Variants in SERPINB12 observed in about 807,000 individuals in gnomAD.
The protein encoded by SERPINB12 is serpin B12.
Under a neutral mutation model 41.1 loss-of-function variants are expected in SERPINB12, and 57 were observed. The observed-to-expected ratio is 1.39, with a 90% confidence interval of 1.12 to 1.73. The LOEUF (loss-of-function observed/expected upper bound fraction) is 1.73, where lower values mean the gene tolerates loss of function less well. Among genes scored for constraint, SERPINB12 ranks in the 40% most tolerant of loss-of-function variants. SERPINB12 has a pLI of 0.00. For synonymous variants in SERPINB12, 180 were observed against 181.3 expected (o/e 0.99, Z 0.06); for missense variants, 536 against 501.9 (o/e 1.07, Z -0.65).
At chr18:63,559,020 T>TTCTTTCTC (rs1910788628) in intron 3 of SERPINB12, among the ~76,000 whole-genome samples, 3 of 62,096 alleles carry the variant, frequency 4.8e-5, no homozygotes, top group African/African-American at 1.4e-4. Context: ...CTTTCTTTCT[T>TTCTTTCTC]TCTTTCTTTC....
At chr18:63,548,634 A>G (rs1233872062) in intron 1 of SERPINB12, among the ~76,000 whole-genome samples, 1 of 152,084 alleles carries the variant, frequency 6.6e-6, no homozygotes, top group Non-Finnish European at 1.5e-5. Flanking sequence ...TAAATGATCA[A>G]GACCTCAATA....
chr18:63,536,802 A>G, the SERPINB12 span, among the ~76,000 whole-genome samples: 3 of 152,148 alleles, frequency 2.0e-5, no homozygotes, highest in Non-Finnish European at 2.9e-5. Context: ...TTTACAAATA[A>G]TAATAGTATT....
the SERPINB12 span, among the ~76,000 whole-genome samples, chr18:63,530,581 G>A: frequency 3.3e-5 from 5 of 152,298 alleles, no homozygotes; most frequent in Middle Eastern, 3.4e-3. Flanking sequence ...TCAGGTGGCT[G>A]TCCCACTGCT....
At chr18:63,547,817 T>A (rs1050386026) in intron 1 of SERPINB12, among the ~76,000 whole-genome samples, 19 of 152,182 alleles carry the variant, frequency 1.2e-4, no homozygotes, top group Non-Finnish European at 2.4e-4. Context: ...GAATCTCTGT[T>A]AATTACAGCT....
intron 1 of SERPINB12, among the ~76,000 whole-genome samples, chr18:63,546,313 C>T (rs1052002653): frequency 6.6e-6 from 1 of 152,162 alleles, no homozygotes; most frequent in African/African-American, 2.4e-5. Context: ...TATCCACTGA[C>T]CCTCATGTTT....
At chr18:63,529,088 A>G in the SERPINB12 span, among the ~76,000 whole-genome samples, 1 of 152,192 alleles carries the variant, frequency 6.6e-6, no homozygotes, top group South Asian at 2.1e-4. Context: ...CTATGATGTC[A>G]GACTAAATAA....
At chr18:63,545,165 A>G (rs2144315664) in intron 1 of SERPINB12, among the ~76,000 whole-genome samples, 1 of 152,118 alleles carries the variant, frequency 6.6e-6, no homozygotes, top group Middle Eastern at 3.4e-3. Context: ...ATCTAGCTCT[A>G]TACTTGATGA....
chr18:63,522,419 G>T, the SERPINB12 span, among the ~76,000 whole-genome samples: 1 of 152,054 alleles, frequency 6.6e-6, no homozygotes, highest in Non-Finnish European at 1.5e-5. Flanking sequence ...TTCCACTTTT[G>T]TTCACAAGAG....
upstream of SERPINB12, among the ~76,000 whole-genome samples, chr18:63,538,669 G>T (rs941017743): frequency 3.9e-5 from 6 of 152,106 alleles, no homozygotes; most frequent in Admixed American, 2.0e-4. Flanking sequence ...ACAAGCTTTT[G>T]TGTGGACATA....
At chr18:63,562,213 T>C (rs908548729) in intron 5 of SERPINB12, among the ~76,000 whole-genome samples, 32 of 152,272 alleles carry the variant, frequency 2.1e-4, no homozygotes, top group African/African-American at 7.5e-4. Flanking sequence ...GGTGCCCGTG[T>C]GAATTTGAAA....
At chr18:63,534,319 AAACACCT>A in the SERPINB12 span, among the ~76,000 whole-genome samples, 1 of 152,182 alleles carries the variant, frequency 6.6e-6, no homozygotes, top group Non-Finnish European at 1.5e-5. Flanking sequence ...CAAAACAAAA[AAACACCT>A]AACAATTATC....
At chr18:63,537,986 C>T (rs1204553793), upstream of SERPINB12, among the ~76,000 whole-genome samples, 3 of 151,958 alleles carry the variant, frequency 2.0e-5, no homozygotes, top group African/African-American at 4.8e-5. Context: ...ATGCAAATTT[C>T]GGATCTGTCT....
the SERPINB12 span, among the ~76,000 whole-genome samples, chr18:63,526,527 A>G: frequency 1.3e-5 from 2 of 152,232 alleles, no homozygotes; most frequent in Non-Finnish European, 2.9e-5. Context: ...ATAGTAAAAT[A>G]AAATCATGAC....
At chr18:63,559,031 T>TTTC in intron 3 of SERPINB12, among the ~76,000 whole-genome samples, 1 of 70,682 alleles carries the variant, frequency 1.4e-5, no homozygotes, top group African/African-American at 4.1e-5. Context: ...TCTTTCTTTC[T>TTTC]TTCTTTCTTT....
At chr18:63,560,509 T>G (rs1028990183) in intron 4 of SERPINB12, among the ~76,000 whole-genome samples, 6 of 152,194 alleles carry the variant, frequency 3.9e-5, no homozygotes, top group Non-Finnish European at 8.8e-5. Context: ...ATTAAACAAT[T>G]CACCTGTTAA....
chr18:63,558,603 C>G, intron 3 of SERPINB12, 117 bp downstream of exon 3: 5 of 1,087,792 alleles, frequency 4.6e-6, no homozygotes, highest in Non-Finnish European at 6.4e-6. Flanking sequence ...ATACCATCAA[C>G]AGCAATAACC....
the SERPINB12 span, among the ~76,000 whole-genome samples, chr18:63,519,641 C>G: frequency 6.6e-6 from 1 of 152,116 alleles, no homozygotes; most frequent in South Asian, 2.1e-4. Context: ...GAGCCTCTTT[C>G]ATGTTAGGGA....
chr18:63,569,266 C>T lies in SERPINB12; in HGVS notation c.*2255C>T, dbSNP rs569750177. ...TAAATCAGTAAACATTCTTTACTAA[C>T]CTTTGATTTATTAAGAAGTTTCTTC... On this transcript the variant is annotated 3_prime_UTR_variant, in exon 8 of 8. Transcript: ENST00000382768. 1.3e-5 allele frequency among the ~76,000 whole-genome samples: 2 copies of T among 151,964 alleles called. No homozygotes were observed. Among genetic ancestry groups the T allele is most frequent in the African/African-American group, 2.4e-5 (1 of 41,360 alleles).
the SERPINB12 span, among the ~76,000 whole-genome samples, chr18:63,535,966 A>C: frequency 1.7e-3 from 265 of 152,186 alleles, no homozygotes; most frequent in African/African-American, 6.1e-3. Context: ...ATAAGTTGCT[A>C]TATATGTGTG....
Sources: allele counts gnomAD v4.1 joint callset (sites outside exome capture counted in the v4.1 genomes callset), GRCh38; gene constraint gnomAD v4.1.1; transcripts MANE v1.5; gene names NCBI Gene and HGNC (gene_info 2026-07-23, HGNC 2026-07-21).